The following CLCN4 variants were observed in gnomAD, a reference collection of about 807,000 sequenced individuals.
The protein encoded by CLCN4 is Cl-/H+ antiporter 4.
CLCN4 carries 1 observed loss-of-function variant against 41.7 expected under a neutral mutation model. The ratio of observed to expected loss-of-function variants is 0.02; its 90% CI spans 0.01 to 0.11. CLCN4 has a LOEUF of 0.11. Among genes scored for constraint, CLCN4 ranks in the 10% least tolerant of loss-of-function variants. The probability of loss-of-function intolerance (pLI) is 1.00; values close to 1 mark genes in which losing one functional copy is unlikely to be tolerated. For missense variants in CLCN4, 287 were observed against 661.0 expected (o/e 0.43, Z 6.20); for synonymous variants, 277 against 285.8 (o/e 0.97, Z 0.31).
chrX:10,211,265 C>CAAAAAAAAAA (rs71774120), intron 9 of CLCN4, among the ~76,000 whole-genome samples: 2 of 48,802 alleles, frequency 4.1e-5, no homozygotes, highest in Non-Finnish European at 6.6e-5. Flanking sequence ...GATTCCGTCT[C>CAAAAAAAAAA]AAAAAAAAAA....
intron 2 of CLCN4, among the ~76,000 whole-genome samples, chrX:10,171,298 A>G (rs182450850): frequency 7.1e-5 from 8 of 112,604 alleles, no homozygotes; most frequent in African/African-American, 1.9e-4. Flanking sequence ...CTGTTTGCCT[A>G]GCCCTAGGTT....
At chrX:10,188,493 A>G (rs891885287) in intron 4 of CLCN4, among the ~76,000 whole-genome samples, 5 of 112,070 alleles carry the variant, frequency 4.5e-5, no homozygotes, top group African/African-American at 1.3e-4. Flanking sequence ...AGATGTTTCC[A>G]GAGTAAATGG....
rs1924392920 is a variant in CLCN4 at position 10,206,577 on chromosome X, A to C, written c.762+13A>C. The stretch of plus-strand genomic sequence containing the variant: ...CAAGAGGCGGGAGGTGAGCCAGCTC[A>C]GCTTCCATCTGCAGCGAAACTTTCT... On this transcript the variant is annotated intron_variant, in intron 7 of 12. Coordinates refer to ENST00000380833, the MANE Select transcript of CLCN4 (RefSeq NM_001830.4). 2.5e-6 allele frequency: 3 copies of C among 1,205,875 alleles called. No individual in the cohort carries two copies. Among genetic ancestry groups the C allele is most frequent in the Non-Finnish European group, 3.4e-6 (3 of 890,463 alleles).
rs767430131 is a variant in CLCN4 at position 10,216,643 on chromosome X, G to A, written c.1975+2564G>A. On this transcript the variant is annotated intron_variant, in intron 11 of 12. Transcript: ENST00000380833. ...ATTAGGCTGGTACAAAAGTAGTTGCGGTTTTTGCCGTTACTTTCAATGGCA... is the reference window on the plus strand; with the variant it reads ...ATTAGGCTGGTACAAAAGTAGTTGCAGTTTTTGCCGTTACTTTCAATGGCA... Among the ~76,000 whole-genome samples, 15 of 108,645 alleles carry A rather than the reference G, an allele frequency of 1.4e-4. No homozygotes were observed. The South Asian group carries it at 6.0e-3, about 44-fold the overall frequency. The allele number at this position is 108,645 out of a possible 115,157, so 94.3% of individuals were successfully genotyped here.
intron 4 of CLCN4, 132 bp from the exon 5 acceptor site, chrX:10,194,779 A>G: frequency 3.5e-6 from 2 of 567,533 alleles, no homozygotes; most frequent in Non-Finnish European, 5.8e-6. Context: ...TGACAGCCCC[A>G]TTGCAAGTTT....
At chrX:10,186,772 T>C (rs1159502376) in intron 3 of CLCN4, among the ~76,000 whole-genome samples, 1 of 112,061 alleles carries the variant, frequency 8.9e-6, no homozygotes, top group South Asian at 3.7e-4. Flanking sequence ...AGCTGGCACC[T>C]TGTTTTAGAA....
At chrX:10,170,858 C>T (rs747019726) in intron 2 of CLCN4, among the ~76,000 whole-genome samples, 31 of 112,430 alleles carry the variant, frequency 2.8e-4, no homozygotes, top group African/African-American at 9.4e-4. Flanking sequence ...TGATGTATGT[C>T]GGCAATCAAT....
intron 6 of CLCN4, 30 bp downstream of exon 6, chrX:10,198,091 A>G: frequency 8.4e-7 from 1 of 1,193,543 alleles, no homozygotes; most frequent in Non-Finnish European, 1.1e-6. Context: ...TTTGGTACCA[A>G]TAATAAGAAT....
chrX:10,176,875 C>T (rs938749332), intron 2 of CLCN4, among the ~76,000 whole-genome samples: 2 of 112,156 alleles, frequency 1.8e-5, no homozygotes, highest in South Asian at 7.4e-4. Context: ...AGGGCTTCAA[C>T]CACAGCGTTT....
intron 4 of CLCN4, among the ~76,000 whole-genome samples, chrX:10,192,651 G>C (rs1210651445): frequency 8.9e-6 from 1 of 111,947 alleles, no homozygotes; most frequent in African/African-American, 3.3e-5. Context: ...AACCATGGCA[G>C]GGCTTTCCAC....
intron 8 of CLCN4, 80 bp downstream of exon 8, chrX:10,206,856 A>T: frequency 1.5e-6 from 1 of 687,279 alleles, no homozygotes; most frequent in South Asian, 3.2e-5. Flanking sequence ...AGTATTGGAT[A>T]AGATTCCGGC....
At position 10,208,452 on chromosome X, in the gene CLCN4, C is replaced by A. The variant is rs762603907; in HGVS notation, c.1251C>A (p.Ile417=). The A allele has an allele frequency of 2.1e-5, 25 of 1,211,639 alleles. No homozygotes were observed. Among genetic ancestry groups the A allele is most frequent in the Non-Finnish European group, 2.7e-5 (24 of 895,465 alleles). The part of the protein sequence containing the change: ...ALESSQLCDY[I]NDPNMTRPVD... Reference sequence around the variant, plus strand: ...AGTCTTCCCAGCTCTGTGACTACATCAATGACCCCAACATGACTCGGCCTG... The same window carrying A: ...AGTCTTCCCAGCTCTGTGACTACATAAATGACCCCAACATGACTCGGCCTG... The change falls in exon 9 of 13, where the codon ATC becomes ATA. Residue 417 remains isoleucine (I), a synonymous_variant. Coordinates refer to ENST00000380833, the MANE Select transcript of CLCN4 (RefSeq NM_001830.4).
chrX:10,160,381 G>T (rs1923060879), intron 2 of CLCN4, among the ~76,000 whole-genome samples: 1 of 111,602 alleles, frequency 9.0e-6, no homozygotes, highest in Admixed American at 9.6e-5. Flanking sequence ...GGAGCTGTTT[G>T]TATGCCATTT....
At chrX:10,223,051 C>T (rs561851744) in intron 12 of CLCN4, among the ~76,000 whole-genome samples, 7 of 111,692 alleles carry the variant, frequency 6.3e-5, no homozygotes, top group African/African-American at 2.3e-4. Flanking sequence ...ATTTCTGGGC[C>T]CTGCCACAGA....
Position 10,208,449 on chromosome X carries a change from C to T in CLCN4, c.1248C>T (p.Tyr416=). ...GALESSQLCD[Y]INDPNMTRPV... Reference sequence around the variant, plus strand: ...TTGAGTCTTCCCAGCTCTGTGACTACATCAATGACCCCAACATGACTCGGC... The same window carrying T: ...TTGAGTCTTCCCAGCTCTGTGACTATATCAATGACCCCAACATGACTCGGC... The change falls in exon 9 of 13, where the codon TAC becomes TAT. Residue 416 remains tyrosine, a synonymous_variant. Coordinates refer to ENST00000380833, the MANE Select transcript of CLCN4 (RefSeq NM_001830.4). 1 of 1,211,733 alleles carries T rather than the reference C, an allele frequency of 8.3e-7. No individual in the cohort carries two copies. The highest frequency in any genetic ancestry group is 2.2e-5 in the Admixed American group (1 of 46,065).
At chrX:10,194,222 G>T (rs191915436) in intron 4 of CLCN4, among the ~76,000 whole-genome samples, 130 of 111,281 alleles carry the variant, frequency 1.2e-3, no homozygotes, top group African/African-American at 4.0e-3. Flanking sequence ...AAATGAAGAT[G>T]CTTGAAAGCA....
At chrX:10,180,039 T>C (rs1923633636) in intron 2 of CLCN4, among the ~76,000 whole-genome samples, 1 of 112,172 alleles carries the variant, frequency 8.9e-6, no homozygotes, top group Admixed American at 9.4e-5. Context: ...CAAAGTACAA[T>C]ATTGAAGATC....
At chrX:10,187,920 AAC>A (rs1321765746) in intron 4 of CLCN4, among the ~76,000 whole-genome samples, 6 of 111,714 alleles carry the variant, frequency 5.4e-5, no homozygotes, top group South Asian at 3.8e-4. Context: ...TTTGACTGAA[AAC>A]ACACATTTTT....
chrX:10,202,638 CAAAAAAAAAAAAAAAAA>C (rs759089094), intron 6 of CLCN4, among the ~76,000 whole-genome samples: 2 of 19,647 alleles, frequency 1.0e-4, no homozygotes, highest in African/African-American at 3.2e-4. Context: ...GACCCTGCCT[CAAAAAAAAAAAAAAAAA>C]AAAAAAAAAA....
Sources: gnomAD v4.1 joint callset for allele counts (sites outside exome capture counted in the v4.1 genomes callset) on GRCh38, gnomAD v4.1.1 for gene constraint, MANE v1.5 for transcripts, NCBI Gene and HGNC (gene_info 2026-07-23, HGNC 2026-07-21) for gene names.